The following ZNF462 variants were observed in gnomAD, a reference collection of about 807,000 sequenced individuals.
ZNF462 encodes the protein zinc finger protein 462, also known as zinc finger PBX1-interacting protein.
In ZNF462, 10 loss-of-function variants were observed where a neutral mutation model predicts 201.9. That is an observed-to-expected ratio of 0.05 (90% CI 0.03 to 0.08). The LOEUF (loss-of-function observed/expected upper bound fraction) is 0.08, where lower values mean the gene tolerates loss of function less well. ZNF462 is among the 10% of genes least tolerant of loss of function. The probability of loss-of-function intolerance (pLI) is 1.00; values close to 1 mark genes in which losing one functional copy is unlikely to be tolerated. For synonymous variants in ZNF462, 1,227 were observed against 1,193.3 expected (o/e 1.03, Z -0.58); for missense variants, 2,523 against 3,168.3 (o/e 0.80, Z 4.89).
intron 10 of ZNF462, among the ~76,000 whole-genome samples, chr9:107,002,319 C>A (rs1434776350): frequency 6.6e-6 from 1 of 152,112 alleles, no homozygotes; most frequent in African/African-American, 2.4e-5. Context: ...TTGTATGTCC[C>A]CTCCCCAGGC....
chr9:106,928,171 C>G lies in ZNF462; in HGVS notation c.4259C>G (p.Ser1420Cys). 6.2e-7 allele frequency: 1 copy of G among 1,614,168 alleles called. No individual in the cohort carries two copies. The highest frequency in any genetic ancestry group is 8.5e-7 in the Non-Finnish European group (1 of 1,180,040). Residue 1420 changes from serine to cysteine, a missense_variant, in exon 3 of 13, where the codon TCC (serine) becomes TGC (cysteine). Ser to Cys is a moderately radical substitution (Grantham distance 112). Around this residue, in one of 15 missense-constraint regions of ZNF462, gnomAD observed 165 missense variants for 142.6 expected, o/e 1.16. Coordinates refer to ENST00000277225, the MANE Select transcript of ZNF462 (RefSeq NM_021224.6). The surrounding 1 kb of genome is among the most constrained non-coding windows in gnomAD (Gnocchi z 9.3). Reference sequence around the variant, plus strand: ...GCTGTGGAGAAGCCCATTCTTTCATCCGAAGAGTTGGCAGGCCCTGTGAAT... The same window carrying G: ...GCTGTGGAGAAGCCCATTCTTTCATGCGAAGAGTTGGCAGGCCCTGTGAAT... ...KDAVEKPILS[S>C]EELAGPVNCE... is the part of the protein sequence containing the mutation.
Position 106,917,848 on chromosome 9 carries a change from ATATTTATTTATTTATTTATT to A in ZNF462, c.-30-5480_-30-5461del, listed in dbSNP as rs57577781. ...TATTTTGCTGGTTTATTATTTTTTT[ATATTTATTTATTTATTTATT>A]TATTTATTTATTTATTTATTTATTT... On this transcript the variant is annotated intron_variant, in intron 1 of 12. Coordinates refer to ENST00000277225, the MANE Select transcript of ZNF462 (RefSeq NM_021224.6). The surrounding 1 kb of genome is among the most constrained non-coding windows in gnomAD (Gnocchi z 4.5). Among the ~76,000 whole-genome samples, 7 of 145,726 alleles carry A rather than the reference ATATTTATTTATTTATTTATT, an allele frequency of 4.8e-5. No individual in the cohort carries two copies. The East Asian group carries it at 6.1e-4, about 13-fold the overall frequency.
Position 106,927,926 on chromosome 9 carries a change from C to T in ZNF462, c.4014C>T (p.His1338=). The change falls in exon 3 of 13, where the codon CAC becomes CAT. Residue 1338 remains histidine (H), a synonymous_variant. Coordinates refer to ENST00000277225, the MANE Select transcript of ZNF462 (RefSeq NM_021224.6). The part of the protein sequence containing the change: ...LLHYQRRHPE[H]YVDYTYMATK... ...ATTACCAACGGAGGCATCCAGAACA[C>T]TATGTTGATTACACCTACATGGCTA... is the stretch of plus-strand genomic sequence containing the variant. 1 of 1,614,230 alleles carries T rather than the reference C, an allele frequency of 6.2e-7. No individual in the cohort carries two copies. The highest frequency in any genetic ancestry group is 8.5e-7 in the Non-Finnish European group (1 of 1,180,052).
In ZNF462 at chr9:106,926,156, C is replaced by T. The variant is rs973686759; in HGVS notation, c.2244C>T (p.Ile748=). 1 of 1,614,090 alleles carries T rather than the reference C, an allele frequency of 6.2e-7. No individual in the cohort carries two copies. The highest frequency in any genetic ancestry group is 2.2e-5 in the East Asian group (1 of 44,900). The change falls in exon 3 of 13, where the codon ATC becomes ATT. Residue 748 remains isoleucine (I), a synonymous_variant. Coordinates refer to ENST00000277225, the MANE Select transcript of ZNF462 (RefSeq NM_021224.6). The surrounding 1 kb of genome is among the most constrained non-coding windows in gnomAD (Gnocchi z 7.9). ...GGGAGGAAGAACCGACAGAACCCAT[C>T]ATAGAGGTTCCCACTTCCTTTTCTG... The part of the protein sequence containing the change: ...LDREEEPTEP[I]IEVPTSFSAQ...
At position 106,939,069 on chromosome 9, in the gene ZNF462, A is replaced by G; in HGVS notation, c.6389A>G (p.Gln2130Arg). ...LLSSHSHHSSQKATPAEEVED... is the reference protein window; with the variant it reads ...LLSSHSHHSSRKATPAEEVED... The stretch of plus-strand genomic sequence containing the variant: ...TCCTCACACTCCCACCACTCCTCCC[A>G]AAAAGCTACCCCGGCTGAAGAAGTG... The change falls in exon 7 of 13, where the codon CAA (glutamine) becomes CGA (arginine). Residue 2130 changes from glutamine (Q) to arginine (R), a missense_variant. By Grantham distance (43) the Gln-to-Arg change is conservative. Transcript: ENST00000277225. 1 of 1,610,908 alleles carries G rather than the reference A, an allele frequency of 6.2e-7. No homozygotes were observed. The highest frequency in any genetic ancestry group is 8.5e-7 in the Non-Finnish European group (1 of 1,178,762).
chr9:106,930,554 G>T lies in ZNF462; in HGVS notation c.5877G>T (p.Lys1959Asn), dbSNP rs1397260398. 1 of 1,614,132 alleles carries T rather than the reference G, an allele frequency of 6.2e-7. No individual in the cohort carries two copies. Among genetic ancestry groups the T allele is most frequent in the East Asian group, 2.2e-5 (1 of 44,878 alleles). Residue 1959 changes from lysine to asparagine, a missense_variant, in exon 4 of 13, where the codon AAG becomes AAT. This residue lies in a region of ZNF462 where 107 missense variants were observed against 187.7 expected (regional missense o/e 0.57). Transcript: ENST00000277225. This position sits in a 1 kb window ranked among gnomAD's most constrained non-coding sequence, Gnocchi z 5.8. ...TTGGTCACTTAGAAGAGGTGCCAAA[G>T]ATCAAGGAGAGGAAAGTGGTGGGCT... Reference protein sequence around the residue: ...RPFGHLEEVPKIKERKVVGYK... With the variant: ...RPFGHLEEVPNIKERKVVGYK...
chr9:106,899,193 G>GGAGA (rs143076514), intron 1 of ZNF462, among the ~76,000 whole-genome samples: 48 of 134,994 alleles, frequency 3.6e-4, no homozygotes, highest in Admixed American at 1.2e-3. Flanking sequence ...AGAGGGACAT[G>GGAGA]GAGAGAGAGA....
chr9:106,980,439 C>A (rs1012295185), intron 9 of ZNF462, among the ~76,000 whole-genome samples: 1 of 152,080 alleles, frequency 6.6e-6, no homozygotes, highest in Non-Finnish European at 1.5e-5. Flanking sequence ...AGGAAACCCA[C>A]CTATGTTGTG....
chr9:106,927,136 G>T lies in ZNF462; in HGVS notation c.3224G>T (p.Gly1075Val), dbSNP rs756936896. ...ATGCGAATGGTGTCTGTGGACAGGG[G>T]CTCTGCCCTTTCTCAATTATCATTT... is the stretch of plus-strand genomic sequence containing the variant. ...KTMRMVSVDR[G>V]SALSQLSFEV... The change falls in exon 3 of 13, where the codon GGC becomes GTC. Residue 1075 changes from glycine (G) to valine (V), a missense_variant. Around this residue, in one of 15 missense-constraint regions of ZNF462, gnomAD observed 280 missense variants for 321.3 expected, o/e 0.87. Coordinates refer to ENST00000277225, the MANE Select transcript of ZNF462 (RefSeq NM_021224.6). 6.2e-7 allele frequency: 1 copy of T among 1,614,002 alleles called. No homozygotes were observed. The highest frequency in any genetic ancestry group is 8.5e-7 in the Non-Finnish European group (1 of 1,180,034).
rs989632374 is a variant in ZNF462, at chr9:106,905,192, C to G, written c.-30-18162C>G. On this transcript the variant is annotated intron_variant, in intron 1 of 12. Coordinates refer to ENST00000277225, the MANE Select transcript of ZNF462 (RefSeq NM_021224.6). The surrounding 1 kb of genome is among the most constrained non-coding windows in gnomAD (Gnocchi z 5.9). Reference sequence around the variant, plus strand: ...AGCCAAACTTCAGTGATTGTTATCTCTCTTCTGGGTCTAGCTACCCAGCGA... The same window carrying G: ...AGCCAAACTTCAGTGATTGTTATCTGTCTTCTGGGTCTAGCTACCCAGCGA... Among the ~76,000 whole-genome samples, 1 of 152,274 alleles carries G rather than the reference C, an allele frequency of 6.6e-6. No individual in the cohort carries two copies. Among genetic ancestry groups the G allele is most frequent in the Non-Finnish European group, 1.5e-5 (1 of 68,020 alleles).
intron 1 of ZNF462, among the ~76,000 whole-genome samples, chr9:106,899,515 C>G (rs1828966949): frequency 6.6e-6 from 1 of 152,014 alleles, no homozygotes; most frequent in African/African-American, 2.4e-5. Flanking sequence ...GAAGGGAAAC[C>G]CTGAGAGAAA....
rs536317308 is a variant in ZNF462, at chr9:106,962,992, A to G, written c.6428-9013A>G. On this transcript the variant is annotated intron_variant, in intron 7 of 12. Coordinates refer to ENST00000277225, the MANE Select transcript of ZNF462 (RefSeq NM_021224.6). The surrounding 1 kb of genome is among the most constrained non-coding windows in gnomAD (Gnocchi z 4.6). ...ATAATGTGACTGCCTTTAGAGGCGT[A>G]TGTTCCCCCTTAGACACTATGGAAT... 6.6e-6 allele frequency among the ~76,000 whole-genome samples: 1 copy of G among 152,156 alleles called. No individual in the cohort carries two copies. Among genetic ancestry groups the G allele is most frequent in the East Asian group, 1.9e-4 (1 of 5,154 alleles).
At chr9:106,952,044 T>A (rs940895364) in intron 7 of ZNF462, among the ~76,000 whole-genome samples, 1 of 151,352 alleles carries the variant, frequency 6.6e-6, no homozygotes, top group Non-Finnish European at 1.5e-5. Context: ...AGATCATCTT[T>A]ACTTAATGGT....
At chr9:106,863,462 G>T (rs898031947) in intron 1 of ZNF462, 107 bp downstream of exon 1, 3 of 341,330 alleles carry the variant, frequency 8.8e-6, no homozygotes, top group Non-Finnish European at 1.6e-5. Context: ...GCCAAGGAGG[G>T]TTGGAGGAGC....
rs1269715153 is a variant in ZNF462, at chr9:106,976,314, A to G, written c.6832+2041A>G. The G allele has an allele frequency of 2.6e-5, 4 of 152,242 alleles. No homozygotes were observed. In the East Asian group the frequency reaches 7.7e-4, roughly 29 times the overall value. 9.4% of individuals were successfully genotyped at this position (152,242 alleles called of 1,614,324 possible). A position where few individuals can be genotyped will look rare whatever the true frequency, so the allele number is the denominator to read the frequency against. On this transcript the variant is annotated intron_variant, in intron 9 of 12. Coordinates refer to ENST00000277225, the MANE Select transcript of ZNF462 (RefSeq NM_021224.6). ...GGTAGAAAAGAAACCCACAGAAGCAACCAGATTTCAACTGCTTGTTAGACT... is the reference window on the plus strand; with the variant it reads ...GGTAGAAAAGAAACCCACAGAAGCAGCCAGATTTCAACTGCTTGTTAGACT...
In ZNF462 at chr9:107,006,485, A is replaced by G. The variant is rs1829553704; in HGVS notation, c.7189+3059A>G. ...CTTTCCCAGTGCTTCGAGTAGTGTAATCTTCACTGAAGGGGACCTGACCCT... is the reference window on the plus strand; with the variant it reads ...CTTTCCCAGTGCTTCGAGTAGTGTAGTCTTCACTGAAGGGGACCTGACCCT... On this transcript the variant is annotated intron_variant, in intron 11 of 12. Transcript: ENST00000277225. This position sits in a 1 kb window ranked among gnomAD's most constrained non-coding sequence, Gnocchi z 4.3. 1.3e-5 allele frequency among the ~76,000 whole-genome samples: 2 copies of G among 152,158 alleles called. No individual in the cohort carries two copies.
At position 106,880,502 on chromosome 9, in the gene ZNF462, C is replaced by T. The variant is rs1036109699; in HGVS notation, c.-31+17147C>T. ...ATTTCATCCCGTGTAAAACACTCAT[C>T]TAAAATTAGCCACATCTCCTAACCC... is the stretch of plus-strand genomic sequence containing the variant. On this transcript the variant is annotated intron_variant, in intron 1 of 12. Transcript: ENST00000277225. The surrounding 1 kb of genome is among the most constrained non-coding windows in gnomAD (Gnocchi z 4.1). 6.6e-6 allele frequency among the ~76,000 whole-genome samples: 1 copy of T among 152,212 alleles called. No individual in the cohort carries two copies. Among genetic ancestry groups the T allele is most frequent in the Non-Finnish European group, 1.5e-5 (1 of 68,044 alleles).
chr9:106,942,545 C>T (rs1830918865), intron 7 of ZNF462, among the ~76,000 whole-genome samples: 1 of 152,170 alleles, frequency 6.6e-6, no homozygotes, highest in South Asian at 2.1e-4. Flanking sequence ...CATGTAATTG[C>T]TATTCTAAAC....
rs1366565234 is a variant in ZNF462, at chr9:106,883,896, T to C, written c.-31+20541T>C. 1.3e-5 allele frequency among the ~76,000 whole-genome samples: 2 copies of C among 152,204 alleles called. No individual in the cohort carries two copies. Among genetic ancestry groups the C allele is most frequent in the East Asian group, 3.8e-4 (2 of 5,200 alleles). On this transcript the variant is annotated intron_variant, in intron 1 of 12. Transcript: ENST00000277225. This position sits in a 1 kb window ranked among gnomAD's most constrained non-coding sequence, Gnocchi z 4.9. Reference sequence around the variant, plus strand: ...ACAGCTTCAGAATGTGAAGAATCTGTAGGTCTAGTCTGCTAATTGCTGGAT... The same window carrying C: ...ACAGCTTCAGAATGTGAAGAATCTGCAGGTCTAGTCTGCTAATTGCTGGAT...
Sources: allele counts gnomAD v4.1 joint callset (sites outside exome capture counted in the v4.1 genomes callset), GRCh38; gene constraint gnomAD v4.1.1; regional missense constraint gnomAD v4.1.1; non-coding constraint Gnocchi (gnomAD v3.1); transcripts MANE v1.5; gene names NCBI Gene and HGNC (gene_info 2026-07-23, HGNC 2026-07-21).